Variants in PCDH7 observed in about 807,000 individuals in gnomAD.
PCDH7 encodes the protein protocadherin 7.
In PCDH7, 17 loss-of-function variants were observed where a neutral mutation model predicts 58.9. That is an observed-to-expected ratio of 0.29 (90% confidence interval 0.20 to 0.43). PCDH7 has a LOEUF of 0.43. PCDH7 is among the 20% of genes least tolerant of loss of function. The pLI, the probability that PCDH7 is intolerant of heterozygous loss-of-function variation, is 1.00. For synonymous variants in PCDH7, 664 were observed against 616.4 expected, an observed-to-expected ratio of 1.08 and a Z score of -1.14; for missense variants, 1,274 against 1,441.0, an observed-to-expected ratio of 0.88 and a Z score of 1.88.
chr4:30,924,183 A>G (rs1743550554), intron 2 of PCDH7, among the ~76,000 whole-genome samples: 1 of 152,140 alleles, frequency 6.6e-6, no homozygotes. Context: ...CCTCTAAATT[A>G]TCTTTGCAAA....
chr4:30,726,745 T>G (rs1389718866), intron 1 of PCDH7, among the ~76,000 whole-genome samples: 7 of 151,914 alleles, frequency 4.6e-5, no homozygotes, highest in Admixed American at 2.0e-4. Flanking sequence ...CCCAAGTAAA[T>G]AGCTGACCTA....
At chr4:31,143,698 T>G (rs1720494120), downstream of PCDH7, 1 of 152,142 alleles carries the variant, frequency 6.6e-6, no homozygotes, top group Non-Finnish European at 1.5e-5. Flanking sequence ...AGGCCAAAGA[T>G]CATATGGCAG....
intron 3 of PCDH7, among the ~76,000 whole-genome samples, chr4:31,099,377 A>T (rs1228367053): frequency 6.6e-6 from 1 of 152,194 alleles, no homozygotes; most frequent in Non-Finnish European, 1.5e-5. Flanking sequence ...CTATAGGCAG[A>T]TCATATATTC....
chr4:30,813,356 G>C (rs558722897), intron 1 of PCDH7, among the ~76,000 whole-genome samples: 47 of 152,216 alleles, frequency 3.1e-4, no homozygotes, highest in Admixed American at 4.6e-4. Flanking sequence ...GAGTGATTTT[G>C]CAAGACTTTT....
In PCDH7 at chr4:31,097,618, ATATATATATATATATAT is replaced by A. The variant is rs1173260852; in HGVS notation, c.*8-44854_*8-44838del. Among the ~76,000 whole-genome samples, 176 of 37,578 alleles carry A rather than the reference ATATATATATATATATAT, an allele frequency of 4.7e-3. 5 individuals carry two copies. The highest frequency in any genetic ancestry group is 0.018 in the South Asian group (11 of 604). The allele number at this position is 37,578 out of a possible 152,430, so 24.7% of individuals were successfully genotyped here. On this transcript the variant is annotated intron_variant, in intron 3 of 3. Coordinates refer to the PCDH7 transcript ENST00000509759. Reference sequence around the variant, plus strand: ...TATATATATATATATATATATATATATATATATATATATATATATAAATCTTTTTTCTGTAATTTCTG... The same window carrying A: ...TATATATATATATATATATATATATAATAAATCTTTTTTCTGTAATTTCTG...
chr4:30,812,622 T>C (rs1167412676), intron 1 of PCDH7, among the ~76,000 whole-genome samples: 1 of 152,188 alleles, frequency 6.6e-6, no homozygotes, highest in Non-Finnish European at 1.5e-5. Flanking sequence ...TAATCTAGTA[T>C]ATGCTATTGT....
intron 3 of PCDH7, among the ~76,000 whole-genome samples, chr4:30,957,872 T>C (rs1748014940): frequency 6.6e-6 from 1 of 152,152 alleles, no homozygotes; most frequent in South Asian, 2.1e-4. Context: ...CTGCTAACTC[T>C]GCTGGGTCAT....
At chr4:30,766,044 T>G (rs1156961783) in intron 1 of PCDH7, among the ~76,000 whole-genome samples, 2 of 151,664 alleles carry the variant, frequency 1.3e-5, no homozygotes, top group African/African-American at 2.4e-5. Flanking sequence ...CTAGTGGGCT[T>G]AGATAAGACG....
chr4:30,816,578 G>A (rs1727700752), intron 1 of PCDH7, among the ~76,000 whole-genome samples: 2 of 151,720 alleles, frequency 1.3e-5, no homozygotes, highest in Admixed American at 6.6e-5. Flanking sequence ...TAAATTTGGG[G>A]AGTAGAGTTT....
At chr4:30,810,020 G>A (rs944581762) in intron 1 of PCDH7, among the ~76,000 whole-genome samples, 1 of 152,016 alleles carries the variant, frequency 6.6e-6, no homozygotes, top group Non-Finnish European at 1.5e-5. Flanking sequence ...TAGTTTTAAA[G>A]TTTTCTTTTT....
At chr4:30,837,728 A>G (rs1730679195) in intron 1 of PCDH7, among the ~76,000 whole-genome samples, 1 of 151,890 alleles carries the variant, frequency 6.6e-6, no homozygotes, top group South Asian at 2.1e-4. Context: ...GTTGAAGGCA[A>G]CAGACTTGCC....
At chr4:30,983,220 G>T (rs1750715618) in intron 3 of PCDH7, among the ~76,000 whole-genome samples, 1 of 152,096 alleles carries the variant, frequency 6.6e-6, no homozygotes, top group African/African-American at 2.4e-5. Flanking sequence ...TTTACAAGTA[G>T]ATATAAATCT....
At chr4:31,115,836 C>T (rs1170666909) in intron 3 of PCDH7, among the ~76,000 whole-genome samples, 1 of 152,104 alleles carries the variant, frequency 6.6e-6, no homozygotes, top group Non-Finnish European at 1.5e-5. Context: ...AAAATTCAGT[C>T]CATTATCACT....
At chr4:30,740,779 T>G in intron 1 of PCDH7, among the ~76,000 whole-genome samples, 1 of 152,302 alleles carries the variant, frequency 6.6e-6, no homozygotes, top group South Asian at 2.1e-4. Context: ...TTGTTCGTTA[T>G]TAAATAGTCA....
At chr4:30,791,392 TTA>T (rs1396513751) in intron 1 of PCDH7, among the ~76,000 whole-genome samples, 4 of 152,184 alleles carry the variant, frequency 2.6e-5, no homozygotes, top group Non-Finnish European at 5.9e-5. Flanking sequence ...TATAAATTAT[TTA>T]TGACTGTTGA....
chr4:30,883,687 G>A (rs1056935640), intron 1 of PCDH7, among the ~76,000 whole-genome samples: 5 of 152,088 alleles, frequency 3.3e-5, no homozygotes, highest in Non-Finnish European at 7.4e-5. Flanking sequence ...CAAAGGCTAG[G>A]TTAAAATCCA....
chr4:30,937,521 T>G (rs1745505247), intron 2 of PCDH7, among the ~76,000 whole-genome samples: 1 of 152,100 alleles, frequency 6.6e-6, no homozygotes, highest in Non-Finnish European at 1.5e-5. Flanking sequence ...TTATTGAACT[T>G]GCTCAAACTT....
intron 1 of PCDH7, among the ~76,000 whole-genome samples, chr4:30,788,553 A>C (rs1161784076): frequency 6.6e-6 from 1 of 152,162 alleles, no homozygotes; most frequent in African/African-American, 2.4e-5. Context: ...AATAAAAAAA[A>C]CTACTTTATA....
exon 2 of PCDH7, chr4:30,732,747 G>T (rs1715701526): frequency 6.6e-6 from 1 of 151,960 alleles, no homozygotes; most frequent in African/African-American, 2.4e-5. Context: ...ACTCTAGACT[G>T]GGGTAGGAAG....
Sources: allele counts gnomAD v4.1 joint callset (sites outside exome capture counted in the v4.1 genomes callset), GRCh38; gene constraint gnomAD v4.1.1; transcripts MANE v1.5; gene names NCBI Gene and HGNC (gene_info 2026-07-23, HGNC 2026-07-21).